Variants in XPR1 observed in about 807,000 individuals in gnomAD.
XPR1 encodes the protein xenotropic and polytropic retrovirus receptor 1.
In XPR1, 28 loss-of-function variants were observed where a neutral mutation model predicts 87.5. That is an observed-to-expected ratio of 0.32 (90% CI 0.24 to 0.44). The LOEUF is 0.44. Among genes scored for constraint, XPR1 ranks in the 20% least tolerant of loss-of-function variants. XPR1 has a pLI of 1.00. For missense variants in XPR1, 559 were observed against 862.3 expected (o/e 0.65, Z 4.41); for synonymous variants, 300 against 306.1 (o/e 0.98, Z 0.21).
chr1:180,685,316 T>A (rs1346813828), intron 2 of XPR1, among the ~76,000 whole-genome samples: 7 of 152,364 alleles, frequency 4.6e-5, no homozygotes, highest in African/African-American at 1.7e-4. Flanking sequence ...TGAACCAGCC[T>A]TGCATCCCAG....
In XPR1 at chr1:180,682,726, C is replaced by T. The variant is rs546645709; in HGVS notation, c.121+315C>T. Among the ~76,000 whole-genome samples the T allele has an allele frequency of 2.8e-4, 43 of 151,938 alleles. No homozygotes were observed. The South Asian group carries it at 3.3e-3, about 12-fold the overall frequency. ...CTTCCCTCCCCTCCCCTCCTTCCTC[C>T]GTCCATAAATTACACAACATAGCTT... On this transcript the variant is annotated intron_variant, in intron 2 of 14. Transcript: ENST00000367590.
Position 180,884,304 on chromosome 1 carries a change from C to A in XPR1, c.*238C>A. The A allele has an allele frequency of 2.4e-6, 1 of 424,182 alleles. No individual in the cohort carries two copies. Among genetic ancestry groups the A allele is most frequent in the Non-Finnish European group, 4.3e-6 (1 of 233,296 alleles). 26.3% of individuals were successfully genotyped at this position (424,182 alleles called of 1,614,324 possible). A position where few individuals can be genotyped will look rare whatever the true frequency, so the allele number is the denominator to read the frequency against. Reference sequence around the variant, plus strand: ...ACAAATATTTACTTCATTTGCCAATCAGAGGATGTTTTAAGAAACAAAACA... The same window carrying A: ...ACAAATATTTACTTCATTTGCCAATAAGAGGATGTTTTAAGAAACAAAACA... On this transcript the variant is annotated 3_prime_UTR_variant, in exon 15 of 15. Coordinates refer to ENST00000367590, the MANE Select transcript of XPR1 (RefSeq NM_004736.4).
At chr1:180,797,342 C>G (rs796784578) in intron 3 of XPR1, among the ~76,000 whole-genome samples, 1 of 152,108 alleles carries the variant, frequency 6.6e-6, no homozygotes, top group Non-Finnish European at 1.5e-5. Context: ...GTGGGAGTTT[C>G]ATTTGTGACT....
At chr1:180,696,200 GTGTGTGTGTATATATATATA>G (rs1477897274) in intron 2 of XPR1, among the ~76,000 whole-genome samples, 6 of 110,058 alleles carry the variant, frequency 5.5e-5, no homozygotes, top group African/African-American at 1.2e-4. Flanking sequence ...GTGTGTGTGT[GTGTGTGTGTATATATATATA>G]TATATATATA....
At chr1:180,815,654 G>T (rs1650381500) in intron 7 of XPR1, among the ~76,000 whole-genome samples, 1 of 151,956 alleles carries the variant, frequency 6.6e-6, no homozygotes, top group African/African-American at 2.4e-5. Context: ...AAAGTTGACT[G>T]TTTAGATTTT....
intron 2 of XPR1, among the ~76,000 whole-genome samples, chr1:180,737,709 A>G (rs1327266771): frequency 6.6e-6 from 1 of 152,210 alleles, no homozygotes; most frequent in East Asian, 1.9e-4. Context: ...ATAATACAGT[A>G]TGTAATGTTT....
At chr1:180,858,595 A>G (rs960424562) in intron 11 of XPR1, among the ~76,000 whole-genome samples, 1 of 152,164 alleles carries the variant, frequency 6.6e-6, no homozygotes, top group African/African-American at 2.4e-5. Context: ...CTTAGGCCCT[A>G]TGAGTTCCTT....
chr1:180,874,572 C>A (rs1283031358), intron 13 of XPR1, among the ~76,000 whole-genome samples: 2 of 152,044 alleles, frequency 1.3e-5, no homozygotes, highest in Non-Finnish European at 2.9e-5. Context: ...CACCTGTAAT[C>A]CCAGCTACTC....
At chr1:180,721,509 A>T (rs1219561013) in intron 2 of XPR1, among the ~76,000 whole-genome samples, 4 of 152,202 alleles carry the variant, frequency 2.6e-5, no homozygotes, top group African/African-American at 9.7e-5. Flanking sequence ...TTGAGCCAGG[A>T]TTGAAACCGT....
intron 2 of XPR1, among the ~76,000 whole-genome samples, chr1:180,784,621 C>G (rs530504266): frequency 1.3e-5 from 2 of 151,944 alleles, no homozygotes; most frequent in Admixed American, 6.6e-5. Flanking sequence ...AAGGCCTTCC[C>G]CATGTGGAAT....
At chr1:180,836,877 G>A (rs1046469791) in intron 11 of XPR1, 161 bp downstream of exon 11, 2 of 769,772 alleles carry the variant, frequency 2.6e-6, no homozygotes, top group Non-Finnish European at 4.1e-6. Context: ...TGCAGTTTTA[G>A]TCTCATTCCA....
At chr1:180,816,719 A>G (rs1445818855) in intron 7 of XPR1, among the ~76,000 whole-genome samples, 1 of 152,222 alleles carries the variant, frequency 6.6e-6, no homozygotes, top group Non-Finnish European at 1.5e-5. Context: ...GTGTTGGTAT[A>G]AACAAACATA....
At chr1:180,748,319 T>A (rs1419585179) in intron 2 of XPR1, among the ~76,000 whole-genome samples, 1 of 150,034 alleles carries the variant, frequency 6.7e-6, no homozygotes, top group East Asian at 2.0e-4. Flanking sequence ...TATAATTAAA[T>A]AGGTTATATT....
intron 1 of XPR1, among the ~76,000 whole-genome samples, chr1:180,675,443 A>G (rs1656336368): frequency 6.6e-6 from 1 of 152,214 alleles, no homozygotes; most frequent in Non-Finnish European, 1.5e-5. Context: ...GAGGAACAAA[A>G]GGAAACACCT....
chr1:180,851,240 A>G (rs1651860937), intron 11 of XPR1, among the ~76,000 whole-genome samples: 1 of 152,152 alleles, frequency 6.6e-6, no homozygotes, highest in Non-Finnish European at 1.5e-5. Context: ...TTCAAAGGAG[A>G]GACAATATAT....
At chr1:180,850,173 AAAATG>A (rs1558038045) in intron 11 of XPR1, among the ~76,000 whole-genome samples, 2 of 152,200 alleles carry the variant, frequency 1.3e-5, no homozygotes, top group East Asian at 3.8e-4. Flanking sequence ...ATTTAAAAGA[AAAATG>A]AAATGAAGGT....
At chr1:180,670,546 T>C (rs1035296439) in intron 1 of XPR1, among the ~76,000 whole-genome samples, 6 of 152,232 alleles carry the variant, frequency 3.9e-5, no homozygotes, top group African/African-American at 1.4e-4. Flanking sequence ...TAAAATTACA[T>C]TTTTATATAC....
chr1:180,745,137 C>T (rs569174848), intron 2 of XPR1, among the ~76,000 whole-genome samples: 8 of 152,276 alleles, frequency 5.3e-5, no homozygotes, highest in Admixed American at 3.3e-4. Flanking sequence ...TTTTCAGAGT[C>T]TGTGGTGTGC....
At chr1:180,853,357 T>C (rs537075081) in intron 11 of XPR1, among the ~76,000 whole-genome samples, 4 of 152,336 alleles carry the variant, frequency 2.6e-5, no homozygotes, top group African/African-American at 7.2e-5. Context: ...GTGAGTTTTA[T>C]TTCAGTTATT....
Sources: gnomAD v4.1 joint callset for allele counts (sites outside exome capture counted in the v4.1 genomes callset) on GRCh38, gnomAD v4.1.1 for gene constraint, MANE v1.5 for transcripts, NCBI Gene and HGNC (gene_info 2026-07-23, HGNC 2026-07-21) for gene names.